Variants in DOCK3 observed in about 807,000 individuals in gnomAD.
DOCK3 encodes the protein dedicator of cytokinesis protein 3.
A neutral mutation model predicts 265.6 loss-of-function variants in DOCK3; 60 were observed. That is an observed-to-expected ratio of 0.23 (90% confidence interval 0.18 to 0.28). DOCK3 has a LOEUF of 0.28. DOCK3 is among the 10% of genes least tolerant of loss of function. The probability of loss-of-function intolerance (pLI) is 1.00; values close to 1 mark genes in which losing one functional copy is unlikely to be tolerated. For synonymous variants in DOCK3, 881 were observed against 938.0 expected (o/e 0.94, Z 1.11); for missense variants, 1,981 against 2,594.3 (o/e 0.76, Z 5.14).
chr3:51,250,600 C>T (rs750860864), intron 22 of DOCK3, among the ~76,000 whole-genome samples: 13 of 152,112 alleles, frequency 8.5e-5, no homozygotes, highest in Non-Finnish European at 1.6e-4. Flanking sequence ...GCCTGGGTGA[C>T]AGAGCAAAAC....
intron 12 of DOCK3, among the ~76,000 whole-genome samples, chr3:51,208,023 T>A (rs2089311285): frequency 6.6e-6 from 1 of 152,146 alleles, no homozygotes; most frequent in South Asian, 2.1e-4. Context: ...TGGTTGCAGT[T>A]CTCCGGGAAT....
chr3:51,068,560 A>AAGAAG lies in DOCK3; in HGVS notation c.464+3965_464+3966insGAAGA, dbSNP rs1553750777. Among the ~76,000 whole-genome samples the AAGAAG allele has an allele frequency of 8.5e-5, 7 of 82,460 alleles. 1 individual carries two copies. Among genetic ancestry groups the AAGAAG allele is most frequent in the African/African-American group, 1.8e-4 (4 of 21,906 alleles). The allele number at this position is 82,460 out of a possible 152,430, so 54.1% of individuals were successfully genotyped here. A position where few individuals can be genotyped will look rare whatever the true frequency, so the allele number is the denominator to read the frequency against. On this transcript the variant is annotated intron_variant, in intron 6 of 52. Transcript: ENST00000266037. ...GTCTGAAAAAAAAAAAAAAAAAAAA[A>AAGAAG]AAGAAGAAGAAGAAATGCTGCTATG... is the stretch of plus-strand genomic sequence containing the variant.
intron 1 of DOCK3, among the ~76,000 whole-genome samples, chr3:50,766,838 C>A (rs2040914232): frequency 6.6e-6 from 1 of 152,194 alleles, no homozygotes; most frequent in Non-Finnish European, 1.5e-5. Flanking sequence ...GATGGTATCT[C>A]ATTGTGGTTT....
Position 50,728,711 on chromosome 3 carries a change from T to C in DOCK3, c.38-49964T>C, listed in dbSNP as rs372732713. Among the ~76,000 whole-genome samples the C allele has an allele frequency of 2.2e-4, 27 of 124,472 alleles. No homozygotes were observed. The East Asian group carries it at 5.8e-3, about 27-fold the overall frequency. 81.7% of individuals were successfully genotyped at this position (124,472 alleles called of 152,430 possible). A position where few individuals can be genotyped will look rare whatever the true frequency, so the allele number is the denominator to read the frequency against. ...AAGAAACAGAAAACCAGAGTGATAC[T>C]ATATTAAATAAATAGAATTTTTTTT... On this transcript the variant is annotated intron_variant, in intron 1 of 52. Transcript: ENST00000266037.
intron 12 of DOCK3, among the ~76,000 whole-genome samples, chr3:51,183,565 A>G (rs530323722): frequency 1.3e-5 from 2 of 152,324 alleles, no homozygotes; most frequent in South Asian, 2.1e-4. Context: ...TTTACCTTTA[A>G]TATTCTGCAA....
intron 5 of DOCK3, among the ~76,000 whole-genome samples, chr3:50,957,140 G>T (rs1048138813): frequency 1.3e-5 from 2 of 152,116 alleles, no homozygotes; most frequent in African/African-American, 4.8e-5. Flanking sequence ...TTGTAATATT[G>T]TACCAGCCCT....
Position 50,906,063 on chromosome 3 carries a change from G to A in DOCK3, c.218+15982G>A, listed in dbSNP as rs569246657. ...TGGTTCTGTTTATATGCTGGATTAC[G>A]TTTATTGATTTGCATATGTTGAACC... On this transcript the variant is annotated intron_variant, in intron 4 of 52. Transcript: ENST00000266037. 1.2e-3 allele frequency among the ~76,000 whole-genome samples: 176 copies of A among 152,010 alleles called. 5 individuals are homozygous for A. The East Asian group carries it at 0.028, about 25-fold the overall frequency.
intron 3 of DOCK3, among the ~76,000 whole-genome samples, chr3:50,850,634 T>A (rs149674872): frequency 2.0e-5 from 3 of 152,304 alleles, no homozygotes; most frequent in African/African-American, 7.2e-5. Flanking sequence ...TTAAAAATTA[T>A]TTTTGTGTGA....
chr3:51,085,077 A>G (rs1424539369), intron 7 of DOCK3, among the ~76,000 whole-genome samples: 1 of 152,228 alleles, frequency 6.6e-6, no homozygotes, highest in East Asian at 1.9e-4. Flanking sequence ...ACATAAAAAT[A>G]GATAAGGTCA....
intron 14 of DOCK3, among the ~76,000 whole-genome samples, chr3:51,216,925 C>T (rs927778090): frequency 2.0e-5 from 3 of 152,202 alleles, no homozygotes; most frequent in African/African-American, 7.2e-5. Context: ...AGTCCCTCAG[C>T]TCTCACAGTG....
intron 9 of DOCK3, among the ~76,000 whole-genome samples, chr3:51,133,973 C>T (rs1035026232): frequency 8.5e-5 from 13 of 152,188 alleles, no homozygotes; most frequent in African/African-American, 2.9e-4. Flanking sequence ...TTGTTCTCCT[C>T]TTTGTGTTCA....
intron 5 of DOCK3, among the ~76,000 whole-genome samples, chr3:51,046,473 G>A (rs1178954306): frequency 6.6e-6 from 1 of 152,096 alleles, no homozygotes; most frequent in Non-Finnish European, 1.5e-5. Flanking sequence ...AGATATTAAG[G>A]CAAAAACTGT....
chr3:51,339,074 T>C (rs759299025), intron 37 of DOCK3, 46 bp downstream of exon 37: 33 of 1,461,356 alleles, frequency 2.3e-5, no homozygotes, highest in Non-Finnish European at 2.9e-5. Flanking sequence ...GAGGACAAAC[T>C]GAAGGGATTT....
chr3:50,901,718 G>C (rs2049208818), intron 4 of DOCK3: 1 of 453,556 alleles, frequency 2.2e-6, no homozygotes, highest in African/African-American at 2.0e-5. Context: ...CCCTTGGCTA[G>C]GGGAGGGAAT....
intron 5 of DOCK3, among the ~76,000 whole-genome samples, chr3:51,011,312 T>G (rs1477415468): frequency 6.6e-6 from 1 of 152,178 alleles, no homozygotes; most frequent in Non-Finnish European, 1.5e-5. Flanking sequence ...TCTTGGAGGC[T>G]TTGTTCATTT....
At chr3:51,294,747 G>A (rs1314981297) in intron 27 of DOCK3, among the ~76,000 whole-genome samples, 2 of 152,008 alleles carry the variant, frequency 1.3e-5, no homozygotes, top group Non-Finnish European at 2.9e-5. Flanking sequence ...GGTTACCAGA[G>A]GCTGGGGGTG....
chr3:51,031,339 A>G (rs1270635239), intron 5 of DOCK3, among the ~76,000 whole-genome samples: 1 of 152,140 alleles, frequency 6.6e-6, no homozygotes, highest in Non-Finnish European at 1.5e-5. Context: ...CGTCTCCAAG[A>G]AAACTCTGGC....
intron 26 of DOCK3, chr3:51,278,675 C>G (rs1286234308): frequency 2.0e-6 from 1 of 503,602 alleles, no homozygotes; most frequent in East Asian, 1.5e-4. Context: ...CTAACCAACA[C>G]TTACACAGTG....
chr3:50,705,941 G>T (rs2036383746), intron 1 of DOCK3, among the ~76,000 whole-genome samples: 1 of 151,980 alleles, frequency 6.6e-6, no homozygotes, highest in Admixed American at 6.6e-5. Context: ...TGAGGCATGA[G>T]ACTTGCTTGA....
Sources: allele counts gnomAD v4.1 joint callset (sites outside exome capture counted in the v4.1 genomes callset), GRCh38; gene constraint gnomAD v4.1.1; transcripts MANE v1.5; gene names NCBI Gene and HGNC (gene_info 2026-07-23, HGNC 2026-07-21).